The following SEMA6D variants were observed in gnomAD, a reference collection of about 807,000 sequenced individuals.
The protein encoded by SEMA6D is semaphorin 6D.
Under a neutral mutation model 106.6 loss-of-function variants are expected in SEMA6D, and 35 were observed. The observed-to-expected ratio is 0.33, with a 90% confidence interval of 0.25 to 0.44. The LOEUF is 0.44. SEMA6D is among the 20% of genes least tolerant of loss of function. The pLI is 1.00. For missense variants in SEMA6D, 1,185 were observed against 1,345.9 expected (o/e 0.88, Z 1.87); for synonymous variants, 499 against 487.7 (o/e 1.02, Z -0.31).
intron 1 of SEMA6D, among the ~76,000 whole-genome samples, chr15:47,208,055 G>A (rs1213637389): frequency 7.9e-6 from 1 of 126,884 alleles, no homozygotes; most frequent in African/African-American, 3.0e-5. Flanking sequence ...ACACACTACT[G>A]TAACGGTTAA....
At chr15:47,322,949 C>T (rs1040114531) in intron 1 of SEMA6D, among the ~76,000 whole-genome samples, 1 of 152,130 alleles carries the variant, frequency 6.6e-6, no homozygotes, top group African/African-American at 2.4e-5. Flanking sequence ...ATTTTTTAAA[C>T]CTGCTCATTT....
chr15:47,551,277 A>T (rs980266697), intron 3 of SEMA6D, among the ~76,000 whole-genome samples: 3 of 152,080 alleles, frequency 2.0e-5, no homozygotes, highest in Non-Finnish European at 4.4e-5. Flanking sequence ...CTGGGGGCAC[A>T]CTTATCTCCT....
In SEMA6D at chr15:47,761,340, A is replaced by G; in HGVS notation, c.356A>G (p.His119Arg). The G allele has an allele frequency of 6.2e-7, 1 of 1,612,916 alleles. No individual in the cohort carries two copies. Among genetic ancestry groups the G allele is most frequent in the Non-Finnish European group, 8.5e-7 (1 of 1,179,550 alleles). The stretch of plus-strand genomic sequence containing the variant: ...TACTACTTTCTTTAGGATGAATGCC[A>G]CAACTTTATCAAAGTATTTGTTCCA... ...AMKGKHKDEC[H>R]NFIKVFVPRN... Residue 119 changes from histidine to arginine, a missense_variant, in exon 6 of 19, where the codon CAC (histidine) becomes CGC (arginine). This residue lies in a region of SEMA6D where 291 missense variants were observed against 423.8 expected (regional missense o/e 0.69). Coordinates refer to ENST00000536845, the MANE Select transcript of SEMA6D (RefSeq NM_001358351.3).
chr15:47,203,568 T>A (rs1894857295), intron 1 of SEMA6D, among the ~76,000 whole-genome samples: 1 of 152,136 alleles, frequency 6.6e-6, no homozygotes, highest in Non-Finnish European at 1.5e-5. Flanking sequence ...TCCTCTTCCC[T>A]ATGAAGAGGT....
intron 4 of SEMA6D, among the ~76,000 whole-genome samples, chr15:47,671,828 A>G (rs1184411454): frequency 6.6e-6 from 1 of 152,124 alleles, no homozygotes. Context: ...CCAGCAAGAG[A>G]GAAATAATGT....
intron 1 of SEMA6D, among the ~76,000 whole-genome samples, chr15:47,294,179 T>C (rs2035709620): frequency 6.6e-6 from 1 of 152,092 alleles, no homozygotes; most frequent in Non-Finnish European, 1.5e-5. Context: ...AAAAAAAGAC[T>C]GTGGGAATCT....
chr15:47,273,672 G>T (rs187250375), intron 1 of SEMA6D, among the ~76,000 whole-genome samples: 5 of 152,142 alleles, frequency 3.3e-5, no homozygotes, highest in Non-Finnish European at 5.9e-5. Context: ...TGTCATTCAG[G>T]TGTAAATTAG....
intron 1 of SEMA6D, among the ~76,000 whole-genome samples, chr15:47,254,875 T>TGTGTGTGTGTGTG (rs375376803): frequency 3.0e-5 from 4 of 134,308 alleles, no homozygotes; most frequent in Non-Finnish European, 4.8e-5. Flanking sequence ...ACCTGTGGTT[T>TGTGTGTGTGTGTG]TGTGTGTGTG....
intron 4 of SEMA6D, among the ~76,000 whole-genome samples, chr15:47,680,664 C>CA (rs1214226793): frequency 2.6e-5 from 4 of 152,068 alleles, no homozygotes; most frequent in East Asian, 3.9e-4. Context: ...TGGTGTAATA[C>CA]AAAAAATATA....
rs1437510090 is a variant in SEMA6D at position 47,773,423 on chromosome 15, A to G, written c.*1638A>G. ...AACCACTTACGGCTGATGATGCGCA[A>G]CCCTGCTGACTGTTTCAGTTAATAT... On this transcript the variant is annotated 3_prime_UTR_variant, in exon 19 of 19. Coordinates refer to ENST00000536845, the MANE Select transcript of SEMA6D (RefSeq NM_001358351.3). 3 of 152,596 alleles carry G rather than the reference A, an allele frequency of 2.0e-5. No individual in the cohort carries two copies. The highest frequency in any genetic ancestry group is 6.5e-5 in the Admixed American group (1 of 15,274). 9.5% of individuals were successfully genotyped at this position (152,596 alleles called of 1,614,324 possible).
At chr15:47,695,107 G>T (rs2078671340) in intron 4 of SEMA6D, among the ~76,000 whole-genome samples, 1 of 152,188 alleles carries the variant, frequency 6.6e-6, no homozygotes, top group South Asian at 2.1e-4. Flanking sequence ...CCACTAGGTG[G>T]TCCATGCTTG....
chr15:47,316,883 T>G (rs1363628636), intron 1 of SEMA6D, among the ~76,000 whole-genome samples: 1 of 152,192 alleles, frequency 6.6e-6, no homozygotes, highest in Non-Finnish European at 1.5e-5. Context: ...TTTCTTTTCT[T>G]GTAACATCTT....
At chr15:47,319,325 T>C (rs1216861561) in intron 1 of SEMA6D, among the ~76,000 whole-genome samples, 2 of 152,214 alleles carry the variant, frequency 1.3e-5, no homozygotes, top group Non-Finnish European at 2.9e-5. Context: ...CTCTGCCTCT[T>C]CATGTTGTGT....
At chr15:47,204,739 T>C (rs1894942347) in intron 1 of SEMA6D, among the ~76,000 whole-genome samples, 1 of 152,174 alleles carries the variant, frequency 6.6e-6, no homozygotes, top group Non-Finnish European at 1.5e-5. Context: ...GCAGATCATA[T>C]ATGAATTAAA....
At chr15:47,675,723 C>T (rs55889256) in intron 4 of SEMA6D, among the ~76,000 whole-genome samples, 1 of 152,162 alleles carries the variant, frequency 6.6e-6, no homozygotes, top group African/African-American at 2.4e-5. Context: ...CCATGATCAT[C>T]AGAGCTCAAC....
At position 47,771,503 on chromosome 15, in the gene SEMA6D, C is replaced by T. The variant is rs750209117; in HGVS notation, c.2940C>T (p.Asn980=). ...QRHSISAMPK[N]LNSPNGVLLS... is the part of the protein sequence containing the mutation. The stretch of plus-strand genomic sequence containing the variant: ...ACTCTATATCTGCTATGCCTAAAAA[C>T]TTAAACTCACCAAATGGTGTTTTGT... The change falls in exon 19 of 19, where the codon AAC becomes AAT. Residue 980 remains asparagine, a synonymous_variant. Coordinates refer to ENST00000536845, the MANE Select transcript of SEMA6D (RefSeq NM_001358351.3). The T allele has an allele frequency of 3.1e-6, 5 of 1,614,110 alleles. No homozygotes were observed. Among genetic ancestry groups the T allele is most frequent in the East Asian group, 2.2e-5 (1 of 44,870 alleles).
chr15:47,367,664 A>ACG (rs2039082796), intron 1 of SEMA6D, among the ~76,000 whole-genome samples: 1 of 149,690 alleles, frequency 6.7e-6, no homozygotes, highest in South Asian at 2.1e-4. Flanking sequence ...CTTCCCCTAA[A>ACG]CACGCACGCT....
intron 4 of SEMA6D, among the ~76,000 whole-genome samples, chr15:47,615,701 T>C (rs1018118821): frequency 6.6e-6 from 1 of 152,222 alleles, no homozygotes; most frequent in African/African-American, 2.4e-5. Flanking sequence ...CAAATGAGTA[T>C]AATAAAAGGA....
At chr15:47,437,164 G>A (rs1757653873) in intron 2 of SEMA6D, among the ~76,000 whole-genome samples, 1 of 151,968 alleles carries the variant, frequency 6.6e-6, no homozygotes, top group Non-Finnish European at 1.5e-5. Flanking sequence ...GTTTCCAATG[G>A]TTCCTTTAGT....
Sources: allele counts gnomAD v4.1 joint callset (sites outside exome capture counted in the v4.1 genomes callset), GRCh38; gene constraint gnomAD v4.1.1; regional missense constraint gnomAD v4.1.1; transcripts MANE v1.5; gene names NCBI Gene and HGNC (gene_info 2026-07-23, HGNC 2026-07-21).